The following AOPEP variants were observed in gnomAD, a reference collection of about 807,000 sequenced individuals.
AOPEP encodes the protein aminopeptidase O.
A neutral mutation model predicts 98.1 loss-of-function variants in AOPEP; 77 were observed. The observed-to-expected ratio is 0.78, with a 90% CI of 0.65 to 0.95. The LOEUF is 0.95. Ranked by LOEUF, AOPEP falls within the 40% of genes least tolerant of loss-of-function variation. The pLI, the probability that AOPEP is intolerant of heterozygous loss-of-function variation, is 0.00. For synonymous variants in AOPEP, 346 were observed against 365.3 expected (o/e 0.95, Z 0.60); for missense variants, 1,024 against 1,024.7 (o/e 1.00, Z 0.01).
the AOPEP span, among the ~76,000 whole-genome samples, chr9:95,093,646 T>C: frequency 6.6e-6 from 1 of 152,208 alleles, no homozygotes; most frequent in Non-Finnish European, 1.5e-5. Flanking sequence ...CAAATCACTA[T>C]AATGAAGTTG....
intron 10 of AOPEP, among the ~76,000 whole-genome samples, chr9:94,975,741 C>T (rs752929532): frequency 9.2e-5 from 14 of 152,204 alleles, no homozygotes; most frequent in Non-Finnish European, 1.8e-4. Context: ...GCCTCTTCTC[C>T]GCTTTTTCTT....
intron 7 of AOPEP, chr9:94,931,920 C>T (rs2055379964): frequency 1.8e-6 from 2 of 1,138,344 alleles, no homozygotes; most frequent in African/African-American, 3.1e-5. Context: ...TAACAGTCTC[C>T]ACTTCAATAG....
chr9:95,137,343 G>A, the AOPEP span, among the ~76,000 whole-genome samples: 1 of 152,144 alleles, frequency 6.6e-6, no homozygotes, highest in Non-Finnish European at 1.5e-5. Flanking sequence ...AAGACCCGGG[G>A]AGACTGCGGA....
chr9:95,111,657 C>A, the AOPEP span: 2 of 1,614,086 alleles, frequency 1.2e-6, no homozygotes, highest in Non-Finnish European at 1.7e-6. Flanking sequence ...AGGCAGAACA[C>A]ATGGCAGTTG....
At chr9:95,094,850 G>C in the AOPEP span, among the ~76,000 whole-genome samples, 1 of 152,200 alleles carries the variant, frequency 6.6e-6, no homozygotes, top group South Asian at 2.1e-4. Context: ...ATTTTCAGTA[G>C]AGACGGGGTT....
chr9:94,919,239 C>G (rs1247923543), intron 5 of AOPEP, among the ~76,000 whole-genome samples: 1 of 152,166 alleles, frequency 6.6e-6, no homozygotes, highest in African/African-American at 2.4e-5. Flanking sequence ...CTCAGATCCC[C>G]TTACACATTG....
At chr9:94,905,323 G>T (rs2050977289) in intron 5 of AOPEP, among the ~76,000 whole-genome samples, 1 of 152,082 alleles carries the variant, frequency 6.6e-6, no homozygotes, top group Admixed American at 6.5e-5. Context: ...TAAAATATTG[G>T]CTTCTTTATG....
At chr9:94,946,814 T>G (rs2057682913) in intron 7 of AOPEP, among the ~76,000 whole-genome samples, 1 of 152,102 alleles carries the variant, frequency 6.6e-6, no homozygotes, top group East Asian at 1.9e-4. Context: ...TCTCCAAATG[T>G]GACAACTGAA....
intron 13 of AOPEP, among the ~76,000 whole-genome samples, chr9:95,030,585 G>A (rs1336881978): frequency 2.0e-5 from 3 of 152,224 alleles, no homozygotes; most frequent in African/African-American, 7.2e-5. Context: ...ACTGTGAGAG[G>A]AAGGTTTGTG....
At chr9:95,149,856 C>T in the AOPEP span, 7 of 1,522,970 alleles carry the variant, frequency 4.6e-6, no homozygotes, top group Non-Finnish European at 6.2e-6. Context: ...ACAGTCTTTC[C>T]AACACACCAC....
chr9:94,901,362 G>T (rs2050377193), intron 5 of AOPEP, among the ~76,000 whole-genome samples: 1 of 151,956 alleles, frequency 6.6e-6, no homozygotes, highest in Admixed American at 6.6e-5. Context: ...TAATAGTATA[G>T]TATAGTACAT....
chr9:95,072,270 A>G (rs562302459), intron 14 of AOPEP, among the ~76,000 whole-genome samples: 3 of 152,254 alleles, frequency 2.0e-5, no homozygotes, highest in African/African-American at 7.2e-5. Flanking sequence ...CAAAAGGCCA[A>G]AAGTGCTCAA....
intron 5 of AOPEP, among the ~76,000 whole-genome samples, chr9:94,804,224 C>G (rs573684571): frequency 3.0e-4 from 45 of 152,128 alleles, no homozygotes; most frequent in African/African-American, 1.1e-3. Context: ...ATGACAGTTG[C>G]TTAAAAATTA....
the AOPEP span, chr9:95,099,129 C>G: frequency 4.7e-6 from 1 of 210,940 alleles, no homozygotes; most frequent in Non-Finnish European, 9.6e-6. Flanking sequence ...CTAAAAAATT[C>G]CACAGATGTC....
the AOPEP span, chr9:95,113,991 G>C: frequency 6.3e-6 from 1 of 159,808 alleles, no homozygotes; most frequent in African/African-American, 2.4e-5. Context: ...AGGAGTCTGA[G>C]TGGGAGGATC....
chr9:95,015,601 A>G (rs1174601630), intron 13 of AOPEP, among the ~76,000 whole-genome samples: 2 of 152,236 alleles, frequency 1.3e-5, no homozygotes, highest in Non-Finnish European at 2.9e-5. Flanking sequence ...GTAGAAAACT[A>G]TTATAGGATA....
At chr9:95,009,293 C>A (rs376388499) in intron 13 of AOPEP, among the ~76,000 whole-genome samples, 4 of 10,838 alleles carry the variant, frequency 3.7e-4, no homozygotes, top group African/African-American at 1.2e-3. Flanking sequence ...TAAATATATA[C>A]ATATAATATA....
At chr9:94,909,950 C>G (rs903017754) in intron 5 of AOPEP, among the ~76,000 whole-genome samples, 1 of 152,124 alleles carries the variant, frequency 6.6e-6, no homozygotes, top group Non-Finnish European at 1.5e-5. Context: ...CCTTCTGGAT[C>G]GAGTGTCTGG....
intron 7 of AOPEP, among the ~76,000 whole-genome samples, chr9:94,954,834 A>G (rs1334054521): frequency 6.6e-6 from 1 of 152,184 alleles, no homozygotes. Flanking sequence ...TACTTTTCCA[A>G]GTAAAGCTTC....
Sources: allele counts gnomAD v4.1 joint callset (sites outside exome capture counted in the v4.1 genomes callset), GRCh38; gene constraint gnomAD v4.1.1; transcripts MANE v1.5; gene names NCBI Gene and HGNC (gene_info 2026-07-23, HGNC 2026-07-21).